Variants in GPHN observed in about 807,000 individuals in gnomAD.
GPHN encodes the protein gephyrin.
Under a neutral mutation model 95.5 loss-of-function variants are expected in GPHN, and 17 were observed. The observed-to-expected ratio is 0.18, with a 90% CI of 0.12 to 0.27. The LOEUF is 0.27. Ranked by LOEUF, GPHN falls within the 10% of genes least tolerant of loss-of-function variation. GPHN has a pLI of 1.00. For missense variants in GPHN, 660 were observed against 978.1 expected (o/e 0.67, Z 4.34); for synonymous variants, 320 against 322.5 (o/e 0.99, Z 0.08).
intron 4 of GPHN, among the ~76,000 whole-genome samples, chr14:66,833,277 CAG>C (rs769459975): frequency 1.3e-4 from 20 of 152,234 alleles, no homozygotes; most frequent in African/African-American, 2.9e-4. Context: ...TACAGAGCAA[CAG>C]GGGGAAAAGC....
At chr14:66,677,084 A>G (rs185335615) in intron 1 of GPHN, among the ~76,000 whole-genome samples, 3 of 152,182 alleles carry the variant, frequency 2.0e-5, no homozygotes, top group Admixed American at 1.3e-4. Flanking sequence ...GCAGTTGTTC[A>G]TAATAATTTC....
At chr14:66,550,255 G>A (rs1376142660) in intron 1 of GPHN, among the ~76,000 whole-genome samples, 1 of 152,208 alleles carries the variant, frequency 6.6e-6, no homozygotes, top group Non-Finnish European at 1.5e-5. Context: ...ATTCATGCGA[G>A]GAGGTCAAAA....
chr14:67,305,100 CT>C, the GPHN span, among the ~76,000 whole-genome samples: 1 of 152,150 alleles, frequency 6.6e-6, no homozygotes, highest in Non-Finnish European at 1.5e-5. Context: ...GCTTGATTCT[CT>C]GTGCATTGTG....
chr14:67,027,497 A>G (rs2073987737), intron 10 of GPHN, among the ~76,000 whole-genome samples: 1 of 152,000 alleles, frequency 6.6e-6, no homozygotes, highest in African/African-American at 2.4e-5. Context: ...TGCCCAGCTA[A>G]TTTTTGTATT....
chr14:67,055,950 T>C (rs929062203), intron 10 of GPHN, among the ~76,000 whole-genome samples: 2 of 152,168 alleles, frequency 1.3e-5, no homozygotes, highest in Non-Finnish European at 2.9e-5. Flanking sequence ...TTCCTTCCAG[T>C]GGGTTCGTGG....
At chr14:66,666,191 G>A (rs1047061958) in intron 1 of GPHN, among the ~76,000 whole-genome samples, 5 of 151,750 alleles carry the variant, frequency 3.3e-5, no homozygotes, top group South Asian at 2.1e-4. Context: ...CATGGCACAC[G>A]TATACATATG....
At chr14:66,531,725 G>A (rs1164655937) in intron 1 of GPHN, among the ~76,000 whole-genome samples, 1 of 152,170 alleles carries the variant, frequency 6.6e-6, no homozygotes, top group Non-Finnish European at 1.5e-5. Context: ...TTTGCATGGT[G>A]TTAGGCTAAA....
At chr14:67,585,887 G>A in the GPHN span, 3 of 1,528,198 alleles carry the variant, frequency 2.0e-6, no homozygotes, top group East Asian at 2.2e-5. Context: ...GACAGGGGAT[G>A]CTGGTTCCTA....
At chr14:66,772,113 GA>G (rs79406734) in intron 2 of GPHN, among the ~76,000 whole-genome samples, 3,079 of 133,066 alleles carry the variant, frequency 0.023, 85 homozygotes, top group African/African-American at 0.071. Context: ...TGTCCTTTAG[GA>G]AAAAAAAAAA....
At chr14:66,825,256 C>G (rs1183730298) in intron 4 of GPHN, among the ~76,000 whole-genome samples, 5 of 152,046 alleles carry the variant, frequency 3.3e-5, no homozygotes, top group Admixed American at 6.6e-5. Context: ...AATTACATCA[C>G]CACTTGTGAC....
At chr14:67,735,170 A>C in the GPHN span, 2 of 1,154,496 alleles carry the variant, frequency 1.7e-6, no homozygotes, top group African/African-American at 3.0e-5. Context: ...CAGAATATTA[A>C]GCCACAGTCG....
At chr14:67,412,335 G>C in the GPHN span, 1 of 387,148 alleles carries the variant, frequency 2.6e-6, no homozygotes, top group Non-Finnish European at 4.5e-6. Context: ...GCCCCATCCA[G>C]GTGCGCCCCG....
the GPHN span, among the ~76,000 whole-genome samples, chr14:67,430,161 C>A: frequency 6.6e-6 from 1 of 152,198 alleles, no homozygotes; most frequent in Non-Finnish European, 1.5e-5. Context: ...TGGAGACAGG[C>A]CACAATCACA....
intron 18 of GPHN, among the ~76,000 whole-genome samples, chr14:67,148,557 G>GTTGTT (rs1297273978): frequency 8.0e-6 from 1 of 124,786 alleles, no homozygotes; most frequent in Admixed American, 8.2e-5. Context: ...GACTTTATTT[G>GTTGTT]CTTTTTTTTT....
At chr14:67,099,945 C>CT (rs1375739513) in intron 12 of GPHN, among the ~76,000 whole-genome samples, 28 of 152,086 alleles carry the variant, frequency 1.8e-4, no homozygotes, top group Non-Finnish European at 3.5e-4. Context: ...TAGATAGGCA[C>CT]TTTTGCCCAG....
intron 21 of GPHN, among the ~76,000 whole-genome samples, chr14:67,169,527 G>C (rs2082477151): frequency 6.6e-6 from 1 of 152,228 alleles, no homozygotes; most frequent in Admixed American, 6.5e-5. Context: ...TTGTTTAGAA[G>C]AGAACTGCTA....
chr14:67,569,629 T>G, the GPHN span: 1 of 483,854 alleles, frequency 2.1e-6, no homozygotes, highest in Non-Finnish European at 3.8e-6. Context: ...CCCATAGCCG[T>G]ATGATTTGTA....
chr14:66,730,548 C>G (rs1359454726), intron 2 of GPHN, among the ~76,000 whole-genome samples: 5 of 152,010 alleles, frequency 3.3e-5, no homozygotes, highest in Non-Finnish European at 5.9e-5. Context: ...AGTTAATATG[C>G]CAGTGCTTAT....
chr14:67,576,631 A>G, the GPHN span: 1 of 551,610 alleles, frequency 1.8e-6, no homozygotes. This position sits in a 1 kb window ranked among gnomAD's most constrained non-coding sequence, Gnocchi z 4.0. Context: ...ACAGAGGGGA[A>G]GTTCCCATCC....
Sources: gnomAD v4.1 joint callset for allele counts (sites outside exome capture counted in the v4.1 genomes callset) on GRCh38, gnomAD v4.1.1 for gene constraint, Gnocchi (gnomAD v3.1) non-coding constraint, MANE v1.5 for transcripts, NCBI Gene and HGNC (gene_info 2026-07-23, HGNC 2026-07-21) for gene names.